Variants in MEGF11 observed in about 807,000 individuals in gnomAD.
MEGF11 encodes multiple EGF like domains 11.
Under a neutral mutation model 146.6 loss-of-function variants are expected in MEGF11, and 126 were observed. That is an observed-to-expected ratio of 0.86 (90% CI 0.74 to 1.00). The LOEUF (loss-of-function observed/expected upper bound fraction) is 1.00. Ranked by LOEUF, MEGF11 falls within the 50% of genes least tolerant of loss-of-function variation. The pLI is 0.00. For synonymous variants in MEGF11, 532 were observed against 583.4 expected (o/e 0.91, Z 1.27); for missense variants, 1,509 against 1,521.2 (o/e 0.99, Z 0.13).
At chr15:66,159,768 G>A (rs1400628851) in intron 1 of MEGF11, among the ~76,000 whole-genome samples, 4 of 152,116 alleles carry the variant, frequency 2.6e-5, no homozygotes, top group Admixed American at 6.5e-5. Context: ...TGAGGAGCTG[G>A]GAGAGAGCCC....
intron 1 of MEGF11, among the ~76,000 whole-genome samples, chr15:66,137,389 AG>A (rs746040115): frequency 1.3e-5 from 2 of 152,236 alleles, no homozygotes; most frequent in Non-Finnish European, 2.9e-5. Context: ...TGAAAAACGC[AG>A]GTTACAAAGC....
At chr15:66,188,232 T>G (rs979157694) in intron 1 of MEGF11, among the ~76,000 whole-genome samples, 1 of 152,102 alleles carries the variant, frequency 6.6e-6, no homozygotes, top group Non-Finnish European at 1.5e-5. Context: ...CCACTGGGGA[T>G]CTATATATAT....
intron 1 of MEGF11, among the ~76,000 whole-genome samples, chr15:66,229,627 G>T (rs1476564159): frequency 6.6e-6 from 1 of 152,144 alleles, no homozygotes; most frequent in Non-Finnish European, 1.5e-5. Flanking sequence ...GACAGCTTTG[G>T]TGGCCCTTCC....
chr15:66,146,757 G>A (rs927056597), intron 1 of MEGF11, among the ~76,000 whole-genome samples: 9 of 152,262 alleles, frequency 5.9e-5, no homozygotes, highest in East Asian at 1.9e-4. Context: ...GGCACACGCC[G>A]AGTAGCTGGA....
chr15:65,927,336 G>C (rs935713909), intron 13 of MEGF11, among the ~76,000 whole-genome samples: 1 of 152,222 alleles, frequency 6.6e-6, no homozygotes, highest in Non-Finnish European at 1.5e-5. Flanking sequence ...AACCCCAGCA[G>C]TCTTGCTCCA....
chr15:66,148,793 C>A (rs1234395957), intron 1 of MEGF11, among the ~76,000 whole-genome samples: 1 of 152,230 alleles, frequency 6.6e-6, no homozygotes, highest in African/African-American at 2.4e-5. Flanking sequence ...TCCCTTCCCA[C>A]TGGAGTTCTG....
intron 9 of MEGF11, among the ~76,000 whole-genome samples, chr15:65,963,682 A>T (rs930995187): frequency 6.6e-6 from 1 of 152,178 alleles, no homozygotes; most frequent in African/African-American, 2.4e-5. Flanking sequence ...GAGTGAATGA[A>T]TGCTCAGGTC....
At chr15:66,214,784 G>A (rs1263538476) in intron 1 of MEGF11, among the ~76,000 whole-genome samples, 3 of 152,086 alleles carry the variant, frequency 2.0e-5, no homozygotes, top group East Asian at 1.9e-4. Flanking sequence ...CCCTTGCCAC[G>A]CACAGGGTAC....
At position 65,898,915 on chromosome 15, in the gene MEGF11, C is replaced by G. The variant is rs776055004; in HGVS notation, c.3075G>C (p.Val1025=). Residue 1025 remains valine, a synonymous_variant, in exon 25 of 26, where the codon GTG becomes GTC. Transcript: ENST00000395614. ...TCAAGGAACAAGTACTAGAACTGCA[C>G]ACGGATTCTTTCATGTAATCTGCAA... ...KGFKDYMKES[V]CSSSTCSLNS... 1.2e-6 allele frequency: 2 copies of G among 1,613,742 alleles called. No individual in the cohort carries two copies. Among genetic ancestry groups the G allele is most frequent in the African/African-American group, 1.3e-5 (1 of 74,886 alleles).
intron 1 of MEGF11, among the ~76,000 whole-genome samples, chr15:66,221,600 C>T (rs1295183997): frequency 6.6e-6 from 1 of 151,668 alleles, no homozygotes; most frequent in African/African-American, 2.4e-5. Context: ...GGGGAGGGAG[C>T]GGGGACAGAC....
chr15:65,952,166 A>G (rs2080427227), intron 10 of MEGF11, among the ~76,000 whole-genome samples: 1 of 152,200 alleles, frequency 6.6e-6, no homozygotes, highest in African/African-American at 2.4e-5. Context: ...AGGTCTTAGA[A>G]TGTATCCCTC....
chr15:66,091,128 T>A (rs2086302905), intron 5 of MEGF11, among the ~76,000 whole-genome samples: 1 of 152,174 alleles, frequency 6.6e-6, no homozygotes, highest in Non-Finnish European at 1.5e-5. Flanking sequence ...GTGTCACACA[T>A]ATAGACCCCA....
At chr15:66,041,386 C>T (rs1317140023) in intron 5 of MEGF11, among the ~76,000 whole-genome samples, 2 of 152,246 alleles carry the variant, frequency 1.3e-5, no homozygotes, top group Admixed American at 1.3e-4. Flanking sequence ...GGGGTACCCA[C>T]AACCCCTTCC....
chr15:65,988,401 A>G (rs1192807716), intron 5 of MEGF11, among the ~76,000 whole-genome samples: 1 of 152,230 alleles, frequency 6.6e-6, no homozygotes, highest in Non-Finnish European at 1.5e-5. Context: ...TTCACTTTGC[A>G]TAACATTTTC....
At chr15:66,215,132 A>G (rs1175230783) in intron 1 of MEGF11, among the ~76,000 whole-genome samples, 1 of 152,136 alleles carries the variant, frequency 6.6e-6, no homozygotes, top group Non-Finnish European at 1.5e-5. Flanking sequence ...TTAAGACCAC[A>G]AAGCTTAATC....
At chr15:65,990,628 A>AG (rs762624620) in intron 5 of MEGF11, among the ~76,000 whole-genome samples, 26 of 148,800 alleles carry the variant, frequency 1.7e-4, no homozygotes, top group African/African-American at 5.0e-4. Context: ...AGAAAAGAAA[A>AG]AAAGAGAAAG....
At chr15:65,923,729 G>C (rs1301934357) in intron 13 of MEGF11, among the ~76,000 whole-genome samples, 1 of 152,198 alleles carries the variant, frequency 6.6e-6, no homozygotes, top group Non-Finnish European at 1.5e-5. Flanking sequence ...GAGGCTTATG[G>C]GGGAATGGAT....
chr15:66,011,506 A>G (rs1400055891), intron 5 of MEGF11, among the ~76,000 whole-genome samples: 1 of 152,102 alleles, frequency 6.6e-6, no homozygotes, highest in Non-Finnish European at 1.5e-5. Flanking sequence ...CGGACTTGAG[A>G]GCCCTCATCT....
At chr15:65,971,773 C>T (rs1322816445) in intron 7 of MEGF11, among the ~76,000 whole-genome samples, 1 of 152,008 alleles carries the variant, frequency 6.6e-6, no homozygotes, top group Non-Finnish European at 1.5e-5. Flanking sequence ...GAACAGATGG[C>T]CAAGGATCAC....
Sources: allele counts gnomAD v4.1 joint callset (sites outside exome capture counted in the v4.1 genomes callset), GRCh38; gene constraint gnomAD v4.1.1; transcripts MANE v1.5; gene names NCBI Gene and HGNC (gene_info 2026-07-23, HGNC 2026-07-21).